Variants in SHISA9 observed in about 807,000 individuals in gnomAD.
SHISA9 encodes shisa family member 9.
A neutral mutation model predicts 38.0 loss-of-function variants in SHISA9; 13 were observed. That is an observed-to-expected ratio of 0.34 (90% confidence interval 0.22 to 0.54). SHISA9 has a LOEUF of 0.54. Ranked by LOEUF, SHISA9 falls within the 20% of genes least tolerant of loss-of-function variation. The pLI, the probability that SHISA9 is intolerant of heterozygous loss-of-function variation, is 0.91. For synonymous variants in SHISA9, 275 were observed against 242.0 expected, an observed-to-expected ratio of 1.14 and a Z score of -1.27; for missense variants, 538 against 575.8, an observed-to-expected ratio of 0.93 and a Z score of 0.67.
intron 2 of SHISA9, among the ~76,000 whole-genome samples, chr16:13,158,208 C>T (rs746094419): frequency 6.6e-6 from 1 of 152,178 alleles, no homozygotes; most frequent in Non-Finnish European, 1.5e-5. Flanking sequence ...GAGAAGCAGG[C>T]TTTGTCTTCA....
At chr16:13,464,711 G>A in the SHISA9 span, among the ~76,000 whole-genome samples, 2 of 152,052 alleles carry the variant, frequency 1.3e-5, no homozygotes, top group African/African-American at 4.8e-5. Flanking sequence ...AAATAAAAAT[G>A]GTGGCTGAAG....
In SHISA9 at chr16:13,228,947, G is replaced by A. The variant is rs147043544; in HGVS notation, c.896-6083G>A. On this transcript the variant is annotated intron_variant, in intron 4 of 4. Transcript: ENST00000558583. Reference sequence around the variant, plus strand: ...AGGCCAAGGTGGGTGGATCACTTCAGGTCAGGACTTTGAGGCCAGCCTGGC... The same window carrying A: ...AGGCCAAGGTGGGTGGATCACTTCAAGTCAGGACTTTGAGGCCAGCCTGGC... 3.5e-3 allele frequency among the ~76,000 whole-genome samples: 527 copies of A among 152,256 alleles called. 4 individuals carry two copies. The highest frequency in any genetic ancestry group is 0.012 in the African/African-American group (503 of 41,554).
the SHISA9 span, among the ~76,000 whole-genome samples, chr16:13,458,874 G>T: frequency 7.3e-3 from 1,074 of 146,980 alleles, 5 homozygotes; most frequent in South Asian, 0.021. Flanking sequence ...TTTGTTTTTT[G>T]TTTTTTTTTT....
the SHISA9 span, among the ~76,000 whole-genome samples, chr16:13,544,821 T>C: frequency 6.6e-6 from 1 of 152,122 alleles, no homozygotes; most frequent in African/African-American, 2.4e-5. Context: ...GGCGAGCCTG[T>C]AATCCCAGCT....
chr16:13,314,308 G>A, the SHISA9 span, among the ~76,000 whole-genome samples: 130 of 151,956 alleles, frequency 8.6e-4, no homozygotes, highest in Non-Finnish European at 1.6e-3. Flanking sequence ...CCGCCTCCCG[G>A]GTTCAACCAA....
At chr16:13,099,605 C>G (rs940288763) in intron 2 of SHISA9, among the ~76,000 whole-genome samples, 4 of 152,080 alleles carry the variant, frequency 2.6e-5, no homozygotes, top group Non-Finnish European at 5.9e-5. Flanking sequence ...TGCAAAGGCC[C>G]TGAGGCAGGA....
chr16:13,251,510 G>A, the SHISA9 span, among the ~76,000 whole-genome samples: 4 of 152,164 alleles, frequency 2.6e-5, no homozygotes, highest in Admixed American at 1.3e-4. Flanking sequence ...TAATGGTTGC[G>A]GGGAGAGGGG....
intron 2 of SHISA9, among the ~76,000 whole-genome samples, chr16:13,039,865 C>A (rs1596604927): frequency 6.6e-6 from 1 of 152,274 alleles, no homozygotes; most frequent in Middle Eastern, 3.4e-3. Context: ...GCTGTGTGAC[C>A]TGGACTTCAG....
the SHISA9 span, among the ~76,000 whole-genome samples, chr16:13,411,834 TAA>T: frequency 1.3e-5 from 2 of 152,204 alleles, no homozygotes; most frequent in African/African-American, 4.8e-5. Flanking sequence ...AGAGCCCAGA[TAA>T]AACTCAGGGG....
chr16:13,180,791 C>T (rs538870904), intron 2 of SHISA9, among the ~76,000 whole-genome samples: 1 of 152,262 alleles, frequency 6.6e-6, no homozygotes, highest in African/African-American at 2.4e-5. Flanking sequence ...GGATTATCAA[C>T]ACTACACAGA....
the SHISA9 span, among the ~76,000 whole-genome samples, chr16:13,254,706 A>T: frequency 6.6e-6 from 1 of 152,202 alleles, no homozygotes; most frequent in Non-Finnish European, 1.5e-5. Flanking sequence ...AATTCTTCAG[A>T]AGCAACATCA....
chr16:13,377,108 G>A, the SHISA9 span, among the ~76,000 whole-genome samples: 18 of 152,320 alleles, frequency 1.2e-4, no homozygotes, highest in African/African-American at 2.9e-4. Flanking sequence ...ACCACCCAAC[G>A]AGGGCACACT....
chr16:13,473,402 C>T, the SHISA9 span, among the ~76,000 whole-genome samples: 1 of 119,876 alleles, frequency 8.3e-6, no homozygotes, highest in African/African-American at 3.1e-5. Context: ...AGAAAGTAAA[C>T]CTAGTCCCTG....
intron 2 of SHISA9, among the ~76,000 whole-genome samples, chr16:13,012,481 G>A (rs1321520798): frequency 6.6e-6 from 1 of 152,182 alleles, no homozygotes; most frequent in Non-Finnish European, 1.5e-5. Flanking sequence ...CCATAGCACA[G>A]GGACTGGGGA....
the SHISA9 span, among the ~76,000 whole-genome samples, chr16:13,414,620 G>T: frequency 2.8e-5 from 4 of 143,692 alleles, no homozygotes; most frequent in African/African-American, 7.6e-5. Flanking sequence ...ATGTTCGTTC[G>T]TTCTTTCTTT....
At chr16:12,926,448 C>T (rs1202601894) in intron 2 of SHISA9, among the ~76,000 whole-genome samples, 2 of 152,156 alleles carry the variant, frequency 1.3e-5, no homozygotes, top group Admixed American at 6.5e-5. Flanking sequence ...AATCAACATT[C>T]CGCTGATATT....
intron 2 of SHISA9, among the ~76,000 whole-genome samples, chr16:13,186,557 A>C (rs564928328): frequency 1.3e-5 from 2 of 151,926 alleles, no homozygotes; most frequent in Admixed American, 1.3e-4. Flanking sequence ...CTGCCTCCCA[A>C]AGTGCTGAGA....
the SHISA9 span, among the ~76,000 whole-genome samples, chr16:13,561,720 G>A: frequency 6.6e-6 from 1 of 152,202 alleles, no homozygotes; most frequent in Non-Finnish European, 1.5e-5. Flanking sequence ...GTGGCCCTAC[G>A]TGCCAGGTGA....
intron 3 of SHISA9, 107 bp downstream of exon 3, chr16:13,203,656 GCT>G (rs891181184): frequency 1.1e-5 from 13 of 1,215,094 alleles, no homozygotes; most frequent in African/African-American, 9.3e-5. Flanking sequence ...CCTTTTTCTA[GCT>G]CTCTTTTTTT....
Sources: gnomAD v4.1 joint callset for allele counts (sites outside exome capture counted in the v4.1 genomes callset) on GRCh38, gnomAD v4.1.1 for gene constraint, MANE v1.5 for transcripts, NCBI Gene and HGNC (gene_info 2026-07-23, HGNC 2026-07-21) for gene names.